MGAM2: variants seen among roughly 807,000 people sequenced by gnomAD.
MGAM2 encodes probable maltase-glucoamylase 2.
A neutral mutation model predicts 96.1 loss-of-function variants in MGAM2; 98 were observed. The ratio of observed to expected loss-of-function variants is 1.02; its 90% confidence interval spans 0.87 to 1.21. MGAM2 has a LOEUF of 1.21. MGAM2 is among the 50% of genes most tolerant of loss of function. MGAM2 has a pLI of 0.00. For synonymous variants in MGAM2, 749 were observed against 414.8 expected (o/e 1.81, Z -9.79); for missense variants, 2,055 against 1,182.4 (o/e 1.74, Z -10.82).
Position 142,220,898 on chromosome 7 carries a change from T to C in MGAM2, c.6387T>C (p.Thr2129=). 1.4e-6 allele frequency: 1 copy of C among 702,090 alleles called. No homozygotes were observed. The highest frequency in any genetic ancestry group is 2.7e-5 in the East Asian group (1 of 37,256). The allele number at this position is 702,090 out of a possible 1,614,324, so 43.5% of individuals were successfully genotyped here. ...LIATTSSLTG[T]TDVSTSTTIN... ...CCACTACTTCTTCTCTAACAGGTAC[T>C]ACTGATGTTAGCACTAGTACTACTA... Residue 2129 remains threonine, a synonymous_variant, in exon 48 of 48, where the codon ACT becomes ACC. Transcript: ENST00000477922.
intron 46 of MGAM2, among the ~76,000 whole-genome samples, chr7:142,212,862 C>T (rs1409447201): frequency 6.6e-6 from 1 of 152,178 alleles, no homozygotes; most frequent in African/African-American, 2.4e-5. Flanking sequence ...AACTCTCCAC[C>T]CTAAATCAAC....
At chr7:142,152,058 CTT>C (rs201837146) in intron 15 of MGAM2, among the ~76,000 whole-genome samples, 11,529 of 152,154 alleles carry the variant, frequency 0.076, 492 homozygotes, top group Admixed American at 0.12. Flanking sequence ...AGACTAGAGT[CTT>C]TCAGTGATCA....
chr7:142,221,755 C>T lies in MGAM2; in HGVS notation c.7244C>T (p.Thr2415Ile). The T allele has an allele frequency of 2.5e-6, 1 of 407,242 alleles. No homozygotes were observed. The highest frequency in any genetic ancestry group is 4.3e-6 in the Non-Finnish European group (1 of 230,498). The allele number at this position is 407,242 out of a possible 1,614,324, so 25.2% of individuals were successfully genotyped here. Reference protein sequence around the residue: ...LAPTNLSNLGTMDITDADNSS... With the variant: ...LAPTNLSNLGIMDITDADNSS... ...CCTACAAATCTTTCTAATCTAGGCACCATGGATATTACTGATGCAGATAAC... is the reference window on the plus strand; with the variant it reads ...CCTACAAATCTTTCTAATCTAGGCATCATGGATATTACTGATGCAGATAAC... Residue 2415 changes from threonine (T) to isoleucine (I), a missense_variant, in exon 48 of 48, where the codon ACC (threonine) becomes ATC (isoleucine). Thr to Ile is a moderately conservative substitution (Grantham distance 89, BLOSUM62 -1). Transcript: ENST00000477922.
intron 45 of MGAM2, among the ~76,000 whole-genome samples, chr7:142,202,488 C>T (rs1797270550): frequency 6.6e-6 from 1 of 152,052 alleles, no homozygotes; most frequent in Middle Eastern, 3.2e-3. Flanking sequence ...CATCTAATAG[C>T]CTGCAGTGTC....
At position 142,222,287 on chromosome 7, in the gene MGAM2, T is replaced by C; in HGVS notation, c.*228T>C. The C allele has an allele frequency of 2.7e-6, 1 of 368,094 alleles. No homozygotes were observed. Among genetic ancestry groups the C allele is most frequent in the Non-Finnish European group, 4.8e-6 (1 of 206,298 alleles). 22.8% of individuals were successfully genotyped at this position (368,094 alleles called of 1,614,324 possible). A position where few individuals can be genotyped will look rare whatever the true frequency, so the allele number is the denominator to read the frequency against. ...GTTTCACCAAAGAAGCTGTGGGTAC[T>C]TATTTTGCAACCATAGTATGTGCTC... On this transcript the variant is annotated 3_prime_UTR_variant, in exon 48 of 48. Transcript: ENST00000477922.
chr7:142,130,156 G>C (rs1318173905), intron 3 of MGAM2, among the ~76,000 whole-genome samples: 1 of 152,124 alleles, frequency 6.6e-6, no homozygotes, highest in African/African-American at 2.4e-5. Flanking sequence ...AAACCACTCT[G>C]AGAAAGAACC....
At chr7:142,153,818 C>T (rs902906957) in intron 15 of MGAM2, among the ~76,000 whole-genome samples, 200 bp from the exon 16 acceptor site, 1 of 152,188 alleles carries the variant, frequency 6.6e-6, no homozygotes, top group Non-Finnish European at 1.5e-5. Context: ...GAGGTTTGTA[C>T]TGTCTTATAT....
At chr7:142,122,390 C>T (rs188507263) in intron 3 of MGAM2, among the ~76,000 whole-genome samples, 36 of 152,308 alleles carry the variant, frequency 2.4e-4, no homozygotes, top group African/African-American at 7.9e-4. Context: ...ACATTTTGCA[C>T]GATTCTTTGG....
At position 142,168,565 on chromosome 7, in the gene MGAM2, C is replaced by T. The variant is rs116589292; in HGVS notation, c.3027+1079C>T. On this transcript the variant is annotated intron_variant, in intron 26 of 47. Transcript: ENST00000477922. ...GATTACAGGCGTGAGCCACCACGCC[C>T]GGCCTCGAGAATCTGCATTTCTAAC... Among the ~76,000 whole-genome samples the T allele has an allele frequency of 7.2e-3, 1,097 of 152,244 alleles. 13 individuals are homozygous for T. Among genetic ancestry groups the T allele is most frequent in the African/African-American group, 0.025 (1,041 of 41,536 alleles).
At chr7:142,114,071 C>T (rs914283173) in intron 1 of MGAM2, among the ~76,000 whole-genome samples, 5 of 150,580 alleles carry the variant, frequency 3.3e-5, no homozygotes, top group African/African-American at 7.4e-5. Flanking sequence ...GCGGAGGTTG[C>T]GGTGAGCCGA....
At chr7:142,160,660 G>T (rs1417424836) in intron 21 of MGAM2, among the ~76,000 whole-genome samples, 4 of 151,170 alleles carry the variant, frequency 2.6e-5, no homozygotes, top group Non-Finnish European at 4.4e-5. Flanking sequence ...ACAGAACCTG[G>T]GTTCAAGCCT....
intron 17 of MGAM2, among the ~76,000 whole-genome samples, chr7:142,156,806 T>C (rs1271985572): frequency 6.6e-6 from 1 of 152,132 alleles, no homozygotes; most frequent in Non-Finnish European, 1.5e-5. Context: ...CAAAACTCAG[T>C]CTCAGTAACG....
At chr7:142,129,717 C>T (rs886512244) in intron 3 of MGAM2, among the ~76,000 whole-genome samples, 3 of 149,988 alleles carry the variant, frequency 2.0e-5, no homozygotes, top group African/African-American at 7.4e-5. Context: ...CCTAGCTACT[C>T]AGGAGGCTGA....
At chr7:142,207,365 A>G (rs977535166) in intron 45 of MGAM2, among the ~76,000 whole-genome samples, 1 of 152,206 alleles carries the variant, frequency 6.6e-6, no homozygotes, top group Admixed American at 6.5e-5. Flanking sequence ...AGATTGAATT[A>G]TGAGTTGGGT....
rs1422265999 is a variant in MGAM2 at position 142,164,865 on chromosome 7, C to A, written c.2494C>A (p.Gln832Lys). Reference protein sequence around the residue: ...YDFSVTSNHLQAKIINNNYMD... With the variant: ...YDFSVTSNHLKAKIINNNYMD... ...TTTTTTCCCCTCCCAGAACCATCTACAAGCAAAGATTATAAATAATAATTA... is the reference window on the plus strand; with the variant it reads ...TTTTTTCCCCTCCCAGAACCATCTAAAAGCAAAGATTATAAATAATAATTA... Residue 832 changes from glutamine (Q) to lysine (K), a missense_variant, in exon 24 of 48, where the codon CAA becomes AAA. Transcript: ENST00000477922. The A allele has an allele frequency of 1.4e-5, 10 of 695,458 alleles. No individual in the cohort carries two copies. Among genetic ancestry groups the A allele is most frequent in the African/African-American group, 3.5e-5 (2 of 56,718 alleles). 43.1% of individuals were successfully genotyped at this position (695,458 alleles called of 1,614,324 possible). A position where few individuals can be genotyped will look rare whatever the true frequency, so the allele number is the denominator to read the frequency against.
chr7:142,219,891 G>A lies in MGAM2; in HGVS notation c.5380G>A (p.Asp1794Asn), dbSNP rs997609059. 1.4e-6 allele frequency: 1 copy of A among 701,276 alleles called. No homozygotes were observed. The highest frequency in any genetic ancestry group is 1.7e-5 in the African/African-American group (1 of 57,198). The allele number at this position is 701,276 out of a possible 1,614,324, so 43.4% of individuals were successfully genotyped here. The stretch of plus-strand genomic sequence containing the variant: ...GCAGATACTAACTATTCAATTGACT[G>A]ACAAGACTATCAACCTGGAAAAGTT... ...YNQILTIQLT[D>N]KTINLEKLTE... Residue 1794 changes from aspartate (D) to asparagine (N), a missense_variant, in exon 48 of 48, where the codon GAC becomes AAC. Physicochemically the swap from Asp to Asn is conservative, Grantham distance 23 (BLOSUM62 1). Transcript: ENST00000477922.
intron 37 of MGAM2, among the ~76,000 whole-genome samples, chr7:142,195,346 T>G (rs1385241328): frequency 3.8e-5 from 2 of 52,848 alleles, no homozygotes; most frequent in African/African-American, 1.4e-4. Context: ...CTTTTTACTC[T>G]TTTTTTTTTT....
At chr7:142,182,948 G>A (rs752198437) in intron 32 of MGAM2, among the ~76,000 whole-genome samples, 24 of 152,084 alleles carry the variant, frequency 1.6e-4, no homozygotes, top group Non-Finnish European at 3.1e-4. Flanking sequence ...TTACAGGTTG[G>A]GGTGGTAACT....
At chr7:142,171,604 G>GCA (rs1796189105) in intron 28 of MGAM2, among the ~76,000 whole-genome samples, 164 bp downstream of exon 28, 1 of 59,736 alleles carries the variant, frequency 1.7e-5, no homozygotes, top group Non-Finnish European at 3.6e-5. Context: ...TCCCTAAAAG[G>GCA]CATATATATA....
Sources: allele counts gnomAD v4.1 joint callset (sites outside exome capture counted in the v4.1 genomes callset), GRCh38; gene constraint gnomAD v4.1.1; transcripts MANE v1.5; gene names NCBI Gene and HGNC (gene_info 2026-07-23, HGNC 2026-07-21).